GRHL3: variants seen among roughly 807,000 people sequenced by gnomAD.
GRHL3 encodes the protein grainyhead like transcription factor 3, also known as grainyhead-like protein 3 homolog.
Under a neutral mutation model 70.3 loss-of-function variants are expected in GRHL3, and 20 were observed. That is an observed-to-expected ratio of 0.28 (90% CI 0.20 to 0.41). GRHL3 has a LOEUF of 0.41. GRHL3 is among the 10% of genes least tolerant of loss of function. GRHL3 has a pLI of 1.00. For missense variants in GRHL3, 637 were observed against 762.3 expected (o/e 0.84, Z 1.94); for synonymous variants, 299 against 299.9 (o/e 1.00, Z 0.03).
intron 11 of GRHL3, among the ~76,000 whole-genome samples, chr1:24,344,479 C>T (rs572571425): frequency 4.2e-4 from 57 of 134,456 alleles, no homozygotes; most frequent in Non-Finnish European, 8.6e-4. Flanking sequence ...AGACTCTTTC[C>T]CCCCAGAAAA....
At chr1:24,357,405 ACC>A (rs1640796068), downstream of GRHL3, 10 of 152,396 alleles carry the variant, frequency 6.6e-5, no homozygotes, top group Non-Finnish European at 1.0e-4. Flanking sequence ...GCGCTTCTCA[ACC>A]TACACCTATC....
Position 24,347,466 on chromosome 1 carries a change from A to G in GRHL3, c.1544-2A>G, listed in dbSNP as rs774006017. The G allele has an allele frequency of 1.9e-6, 3 of 1,613,698 alleles. No homozygotes were observed. The Admixed American group carries it at 5.0e-5, about 27-fold the overall frequency. Reference sequence around the variant, plus strand: ...GCACTCAAGCTGGCCCTTGCTTTTCAGTTCTGCTGTATGTGCGGAGGGAGA... The same window carrying G: ...GCACTCAAGCTGGCCCTTGCTTTTCGGTTCTGCTGTATGTGCGGAGGGAGA... On this transcript the variant is annotated splice_acceptor_variant, in intron 13 of 15. Transcript: ENST00000361548. LOFTEE classifies it high-confidence loss of function.
At chr1:24,352,969 C>T (rs914513731) in intron 15 of GRHL3, among the ~76,000 whole-genome samples, 5 of 152,192 alleles carry the variant, frequency 3.3e-5, no homozygotes, top group East Asian at 1.9e-4. Flanking sequence ...CCATTGCCCT[C>T]GGGGGGTCCT....
At position 24,353,201 on chromosome 1, in the gene GRHL3, T is replaced by G. The variant is rs186189630; in HGVS notation, c.1695-1173T>G. 5.6e-4 allele frequency among the ~76,000 whole-genome samples: 86 copies of G among 152,340 alleles called. No individual in the cohort carries two copies. The East Asian group carries it at 0.016, about 28-fold the overall frequency. On this transcript the variant is annotated intron_variant, in intron 15 of 15. Coordinates refer to ENST00000361548, the MANE Select transcript of GRHL3 (RefSeq NM_198173.3). ...CTTTGAACCTCAGCTTCCCCATTTA[T>G]GAACTGGGGTAATATGAGGATTCAT...
chr1:24,329,979 C>T (rs1160832824), intron 1 of GRHL3, among the ~76,000 whole-genome samples: 1 of 152,180 alleles, frequency 6.6e-6, no homozygotes, highest in Non-Finnish European at 1.5e-5. Context: ...TCAGCAGCAC[C>T]AGGGAAATCG....
intron 13 of GRHL3, 31 bp downstream of exon 13, chr1:24,346,672 A>G (rs2148663790): frequency 1.3e-6 from 2 of 1,540,192 alleles, no homozygotes; most frequent in South Asian, 1.1e-5. Context: ...TTTACTCACC[A>G]GGCCCACCCC....
rs138108500 is a variant in GRHL3 at position 24,323,715 on chromosome 1, C to T, written c.17+4147C>T. 2.0e-5 allele frequency among the ~76,000 whole-genome samples: 3 copies of T among 152,330 alleles called. No individual in the cohort carries two copies. The East Asian group carries it at 5.8e-4, about 29-fold the overall frequency. On this transcript the variant is annotated intron_variant, in intron 1 of 15. Coordinates refer to ENST00000361548, the MANE Select transcript of GRHL3 (RefSeq NM_198173.3). ...TCCTTTCCCTCTCTTGCCTTCCCTC[C>T]CCTCTCTGGAACTCAGCTTTCCTAT...
intron 15 of GRHL3, among the ~76,000 whole-genome samples, chr1:24,363,464 G>A (rs1046649275): frequency 4.6e-5 from 7 of 152,190 alleles, no homozygotes; most frequent in African/African-American, 1.4e-4. Context: ...ACTTCAGGCA[G>A]TACAGGCTTT....
intron 1 of GRHL3, among the ~76,000 whole-genome samples, chr1:24,328,252 G>A (rs973316846): frequency 6.6e-6 from 1 of 152,218 alleles, no homozygotes; most frequent in Admixed American, 6.5e-5. Flanking sequence ...TCACTTATTG[G>A]CTGAGTGACC....
In GRHL3 at chr1:24,342,822, A is replaced by G. The variant is rs773849981; in HGVS notation, c.1285+50A>G. 6 of 1,613,694 alleles carry G rather than the reference A, an allele frequency of 3.7e-6. No individual in the cohort carries two copies. In the South Asian group the frequency reaches 6.6e-5, roughly 18 times the overall value. Reference sequence around the variant, plus strand: ...TGGGCTCGGCTGGCGTGAAGGGGAGAAGGAGACCAGAGGTGGGAGGGACTT... The same window carrying G: ...TGGGCTCGGCTGGCGTGAAGGGGAGGAGGAGACCAGAGGTGGGAGGGACTT... On this transcript the variant is annotated intron_variant, in intron 10 of 15. Transcript: ENST00000361548. This position sits in a 1 kb window ranked among gnomAD's most constrained non-coding sequence, Gnocchi z 4.8.
chr1:24,319,606 C>G (rs751947843), intron 1 of GRHL3, 38 bp downstream of exon 1: 12 of 1,613,380 alleles, frequency 7.4e-6, no homozygotes, highest in Non-Finnish European at 1.0e-5. Context: ...GCTCTCAGAG[C>G]GTGGAGGCTG....
intron 1 of GRHL3, 33 bp downstream of exon 1, chr1:24,319,601 C>G (rs1362106355): frequency 1.2e-6 from 2 of 1,613,688 alleles, no homozygotes; most frequent in Non-Finnish European, 1.7e-6. Context: ...CTGCCGCTCT[C>G]AGAGCGTGGA....
exon 16 of GRHL3, chr1:24,364,469 C>T: frequency 7.1e-7 from 1 of 1,400,868 alleles, no homozygotes; most frequent in Non-Finnish European, 9.3e-7. Context: ...CTGGCTATTA[C>T]TTTGCATTTA....
At position 24,343,041 on chromosome 1, in the gene GRHL3, G is replaced by A; in HGVS notation, c.1419+16G>A. ...CTCTGGAGGGGTGAGGCCAGGGCTGGGGTCTCGGGAAGGAGCCGAGAGAGG... is the reference window on the plus strand; with the variant it reads ...CTCTGGAGGGGTGAGGCCAGGGCTGAGGTCTCGGGAAGGAGCCGAGAGAGG... On this transcript the variant is annotated intron_variant, in intron 11 of 15. Transcript: ENST00000361548. The A allele has an allele frequency of 1.2e-6, 2 of 1,613,962 alleles. No homozygotes were observed. Among genetic ancestry groups the A allele is most frequent in the Middle Eastern group, 1.7e-4 (1 of 6,058 alleles).
intron 3 of GRHL3, among the ~76,000 whole-genome samples, chr1:24,335,060 C>G (rs977903940): frequency 2.1e-5 from 3 of 144,708 alleles, no homozygotes; most frequent in Admixed American, 6.8e-5. Flanking sequence ...CACACACACA[C>G]ACAGACACAC....
intron 15 of GRHL3, chr1:24,360,865 C>T: frequency 6.2e-7 from 1 of 1,612,612 alleles, no homozygotes; most frequent in South Asian, 1.1e-5. Flanking sequence ...GCCAGGCAGG[C>T]CTGGCTGAGG....
Position 24,334,518 on chromosome 1 carries a change from G to C in GRHL3, c.205-127G>C. The C allele has an allele frequency of 1.5e-6, 1 of 666,954 alleles. No individual in the cohort carries two copies. Among genetic ancestry groups the C allele is most frequent in the African/African-American group, 1.8e-5 (1 of 55,220 alleles). 41.3% of individuals were successfully genotyped at this position (666,954 alleles called of 1,614,324 possible). A position where few individuals can be genotyped will look rare whatever the true frequency, so the allele number is the denominator to read the frequency against. On this transcript the variant is annotated intron_variant, in intron 2 of 15. Transcript: ENST00000361548. The surrounding 1 kb of genome is among the most constrained non-coding windows in gnomAD (Gnocchi z 4.3). ...GAACTACGATTCAAGATGAGATTTGGGTGGGGACACAGCCGAACCATATCA... is the reference window on the plus strand; with the variant it reads ...GAACTACGATTCAAGATGAGATTTGCGTGGGGACACAGCCGAACCATATCA...
chr1:24,319,394 G>A lies in GRHL3; in HGVS notation c.-158G>A. On this transcript the variant is annotated 5_prime_UTR_variant, in exon 1 of 16. Transcript: ENST00000361548. ...CTGTACCTGTAGCCAATCAGCGCCA[G>A]CGCTGCTGGGAACCTACCTGTCAGC... 1.3e-6 allele frequency: 1 copy of A among 781,522 alleles called. No individual in the cohort carries two copies. The highest frequency in any genetic ancestry group is 2.5e-5 in the East Asian group (1 of 40,200). 48.4% of individuals were successfully genotyped at this position (781,522 alleles called of 1,614,324 possible). A position where few individuals can be genotyped will look rare whatever the true frequency, so the allele number is the denominator to read the frequency against.
chr1:24,347,369 A>T, intron 13 of GRHL3, 99 bp from the exon 14 acceptor site: 1 of 1,045,008 alleles, frequency 9.6e-7, no homozygotes, highest in Non-Finnish European at 1.5e-6. Context: ...GACCCGCAGC[A>T]GAAGTCAATC....
Sources: gnomAD v4.1 joint callset for allele counts (sites outside exome capture counted in the v4.1 genomes callset) on GRCh38, gnomAD v4.1.1 for gene constraint, Gnocchi (gnomAD v3.1) non-coding constraint, MANE v1.5 for transcripts, NCBI Gene and HGNC (gene_info 2026-07-23, HGNC 2026-07-21) for gene names.